The following LRRC4C variants were observed in gnomAD, a reference collection of about 807,000 sequenced individuals.
The protein encoded by LRRC4C is leucine rich repeat containing 4C.
LRRC4C carries 5 observed loss-of-function variants against 33.6 expected under a neutral mutation model. The observed-to-expected ratio is 0.15, with a 90% CI of 0.08 to 0.31. LRRC4C has a LOEUF of 0.31. Among genes scored for constraint, LRRC4C ranks in the 10% least tolerant of loss-of-function variants. LRRC4C has a pLI of 1.00. For missense variants in LRRC4C, 560 were observed against 796.7 expected, an observed-to-expected ratio of 0.70 and a Z score of 3.58; for synonymous variants, 329 against 302.0, an observed-to-expected ratio of 1.09 and a Z score of -0.93.
intron 2 of LRRC4C, among the ~76,000 whole-genome samples, chr11:40,790,119 T>C (rs115726349): frequency 7.5e-4 from 115 of 152,320 alleles, no homozygotes; most frequent in African/African-American, 2.7e-3. Context: ...TCATTGAAGA[T>C]TTCAGTGACA....
chr11:40,991,547 T>C (rs1388045127), intron 1 of LRRC4C, among the ~76,000 whole-genome samples: 1 of 152,216 alleles, frequency 6.6e-6, no homozygotes, highest in Non-Finnish European at 1.5e-5. Flanking sequence ...ACTTTATTTC[T>C]ATTATTACAT....
At chr11:40,858,021 G>A (rs58855842) in intron 2 of LRRC4C, among the ~76,000 whole-genome samples, 83,981 of 120,762 alleles carry the variant, frequency 0.7, 30,364 homozygotes, top group Non-Finnish European at 0.8. Context: ...AGGAAAGGAA[G>A]GGAAGGGAAG....
chr11:40,433,008 G>A (rs1284671028), intron 3 of LRRC4C, among the ~76,000 whole-genome samples: 1 of 152,064 alleles, frequency 6.6e-6, no homozygotes, highest in Non-Finnish European at 1.5e-5. Flanking sequence ...ATTAAGGAAA[G>A]CATAATGAAT....
chr11:40,637,739 G>A (rs938331655), intron 3 of LRRC4C, among the ~76,000 whole-genome samples: 8 of 152,054 alleles, frequency 5.3e-5, no homozygotes, highest in African/African-American at 1.9e-4. Context: ...TACCACCATG[G>A]TCCAAGAAAT....
intron 3 of LRRC4C, among the ~76,000 whole-genome samples, chr11:40,565,432 C>T (rs1264902356): frequency 6.6e-6 from 1 of 152,220 alleles, no homozygotes; most frequent in Non-Finnish European, 1.5e-5. Context: ...GCTGCTCCCA[C>T]TCAGTGACTG....
chr11:40,711,890 C>T (rs1946483683), intron 2 of LRRC4C, among the ~76,000 whole-genome samples: 1 of 152,126 alleles, frequency 6.6e-6, no homozygotes, highest in African/African-American at 2.4e-5. Context: ...TTAATCACAT[C>T]AGGAACTTGC....
At chr11:40,503,403 G>A (rs2138646641) in intron 3 of LRRC4C, among the ~76,000 whole-genome samples, 1 of 152,246 alleles carries the variant, frequency 6.6e-6, no homozygotes, top group South Asian at 2.1e-4. Flanking sequence ...TTATTTATAT[G>A]CAGCTTCTCT....
intron 2 of LRRC4C, among the ~76,000 whole-genome samples, chr11:40,671,646 A>T (rs1314127456): frequency 2.8e-5 from 4 of 140,514 alleles, no homozygotes; most frequent in Non-Finnish European, 4.6e-5. Flanking sequence ...GTCCTTATTC[A>T]GTGTGTGTGT....
chr11:40,604,112 A>G (rs1019412565), intron 3 of LRRC4C, among the ~76,000 whole-genome samples: 6 of 152,164 alleles, frequency 3.9e-5, no homozygotes, highest in African/African-American at 1.4e-4. Flanking sequence ...TCCAACCACA[A>G]AGACCCAACT....
chr11:41,350,728 A>T (rs1022424653), intron 1 of LRRC4C, among the ~76,000 whole-genome samples: 10 of 152,286 alleles, frequency 6.6e-5, no homozygotes, highest in African/African-American at 2.4e-4. Context: ...AATCCAAGGA[A>T]TCTAAGGAAT....
intron 1 of LRRC4C, among the ~76,000 whole-genome samples, chr11:41,119,298 A>G (rs140903023): frequency 6.6e-6 from 1 of 152,256 alleles, no homozygotes; most frequent in African/African-American, 2.4e-5. Context: ...TTTCAGAGAG[A>G]AAAAAGGGGA....
At chr11:40,998,605 C>G (rs1854145959) in intron 1 of LRRC4C, among the ~76,000 whole-genome samples, 1 of 152,090 alleles carries the variant, frequency 6.6e-6, no homozygotes, top group African/African-American at 2.4e-5. Context: ...CTATGATCTA[C>G]TGATATGTCC....
chr11:40,262,956 T>C (rs1178895937), intron 4 of LRRC4C, among the ~76,000 whole-genome samples: 1 of 151,536 alleles, frequency 6.6e-6, no homozygotes, highest in East Asian at 1.9e-4. Context: ...ATTCTGCCCA[T>C]GTATCCTAGA....
At chr11:41,320,972 C>A (rs1950941934) in intron 1 of LRRC4C, among the ~76,000 whole-genome samples, 1 of 152,152 alleles carries the variant, frequency 6.6e-6, no homozygotes, top group Non-Finnish European at 1.5e-5. Flanking sequence ...CATGGGACTT[C>A]TTTTGGGTCT....
In LRRC4C at chr11:40,142,308, C is replaced by T. The variant is rs1220709350; in HGVS notation, c.-95-1455G>A. On this transcript the variant is annotated intron_variant, in intron 5 of 6. Coordinates refer to ENST00000528697, the MANE Select transcript of LRRC4C (RefSeq NM_001258419.2). ...AAAAAAAAAAAAAAAAAAAAAACCT[C>T]GATTTTATAAAATGTTTTCCCAAAT... Among the ~76,000 whole-genome samples, 5 of 141,400 alleles carry T rather than the reference C, an allele frequency of 3.5e-5. No individual in the cohort carries two copies. In the East Asian group the frequency reaches 1.1e-3, roughly 30 times the overall value. The allele number at this position is 141,400 out of a possible 152,430, so 92.8% of individuals were successfully genotyped here.
chr11:40,964,748 A>G (rs1480791839), intron 1 of LRRC4C, among the ~76,000 whole-genome samples: 1 of 151,690 alleles, frequency 6.6e-6, no homozygotes, highest in Non-Finnish European at 1.5e-5. Flanking sequence ...TATGTGCCAC[A>G]TTTTCTTAAT....
chr11:40,576,187 G>C (rs534416140), intron 3 of LRRC4C, among the ~76,000 whole-genome samples: 1 of 152,316 alleles, frequency 6.6e-6, no homozygotes, highest in East Asian at 1.9e-4. Context: ...TAAAACACCT[G>C]TTTGGACTAG....
chr11:40,330,403 T>C (rs1321107317), intron 3 of LRRC4C, among the ~76,000 whole-genome samples: 3 of 152,212 alleles, frequency 2.0e-5, no homozygotes, highest in Non-Finnish European at 4.4e-5. Flanking sequence ...ATACAATGTG[T>C]AATGATCAAG....
chr11:40,412,719 G>A (rs1046584128), intron 3 of LRRC4C, among the ~76,000 whole-genome samples: 1 of 152,008 alleles, frequency 6.6e-6, no homozygotes, highest in African/African-American at 2.4e-5. Flanking sequence ...TTGTCCCGGA[G>A]TTAGGCTATG....
Sources: gnomAD v4.1 joint callset for allele counts (sites outside exome capture counted in the v4.1 genomes callset) on GRCh38, gnomAD v4.1.1 for gene constraint, MANE v1.5 for transcripts, NCBI Gene and HGNC (gene_info 2026-07-23, HGNC 2026-07-21) for gene names.